ZNF207: variants seen among roughly 807,000 people sequenced by gnomAD.
ZNF207 encodes the protein zinc finger protein 207.
In ZNF207, 24 loss-of-function variants were observed where a neutral mutation model predicts 60.2. That is an observed-to-expected ratio of 0.40 (90% CI 0.29 to 0.56). The LOEUF (loss-of-function observed/expected upper bound fraction) is 0.56. Among genes scored for constraint, ZNF207 ranks in the 20% least tolerant of loss-of-function variants. ZNF207 has a pLI of 0.49. For missense variants in ZNF207, 452 were observed against 636.6 expected, an observed-to-expected ratio of 0.71 and a Z score of 3.12; for synonymous variants, 236 against 194.7, an observed-to-expected ratio of 1.21 and a Z score of -1.77.
At chr17:32,368,984 A>G in intron 10 of ZNF207, 1 of 225,392 alleles carries the variant, frequency 4.4e-6, no homozygotes, top group Non-Finnish European at 8.9e-6. Context: ...CAGCCTGGAC[A>G]ATGAGTGAAA....
At chr17:32,361,543 A>G in intron 6 of ZNF207, 28 bp downstream of exon 6, 1 of 1,592,016 alleles carries the variant, frequency 6.3e-7, no homozygotes, top group Non-Finnish European at 8.6e-7. Context: ...AATGTAATTC[A>G]GGAGGTATAA....
intron 4 of ZNF207, 41 bp from the exon 5 acceptor site, chr17:32,360,851 T>C (rs764588272): frequency 6.2e-7 from 1 of 1,613,116 alleles, no homozygotes. Flanking sequence ...CTCTAACTCT[T>C]TAATATTTGT....
Position 32,379,888 on chromosome 17 carries a change from C to G in ZNF207, c.*10129C>G, listed in dbSNP as rs1252788763. The G allele has an allele frequency of 6.6e-6, 1 of 152,068 alleles. No homozygotes were observed. Among genetic ancestry groups the G allele is most frequent in the African/African-American group, 2.4e-5 (1 of 41,410 alleles). The allele number at this position is 152,068 out of a possible 1,614,324, so 9.4% of individuals were successfully genotyped here. A position where few individuals can be genotyped will look rare whatever the true frequency, so the allele number is the denominator to read the frequency against. On this transcript the variant is annotated 3_prime_UTR_variant, in exon 12 of 12. Transcript: ENST00000394670. ...ATATGTAACACATGGATTATTTTTT[C>G]CCTCTAGTTTTTAACTATATCCTAG... is the stretch of plus-strand genomic sequence containing the variant.
chr17:32,361,553 A>G (rs1428827645), intron 6 of ZNF207, 38 bp downstream of exon 6: 8 of 1,554,926 alleles, frequency 5.1e-6, no homozygotes, highest in Non-Finnish European at 7.0e-6. Flanking sequence ...AGGAGGTATA[A>G]TCATACTGTC....
intron 2 of ZNF207, among the ~76,000 whole-genome samples, chr17:32,357,057 C>T (rs1314386787): frequency 6.6e-6 from 1 of 151,930 alleles, no homozygotes; most frequent in Non-Finnish European, 1.5e-5. Flanking sequence ...CGGCACGCAC[C>T]TGTAGTCCCA....
chr17:32,355,806 T>C (rs527824181), intron 2 of ZNF207, among the ~76,000 whole-genome samples: 1 of 152,326 alleles, frequency 6.6e-6, no homozygotes, highest in African/African-American at 2.4e-5. Context: ...GAGTGAGTTA[T>C]TTAACTGAGT....
At position 32,375,935 on chromosome 17, in the gene ZNF207, T is replaced by C. The variant is rs570369636; in HGVS notation, c.*6176T>C. On this transcript the variant is annotated 3_prime_UTR_variant, in exon 12 of 12. Coordinates refer to ENST00000394670, the MANE Select transcript of ZNF207 (RefSeq NM_001098507.2). Reference sequence around the variant, plus strand: ...CTAACTGTCTCATGACAGTAAAGTTTACTCCTTTTTAGAAACCCTTTCTCA... The same window carrying C: ...CTAACTGTCTCATGACAGTAAAGTTCACTCCTTTTTAGAAACCCTTTCTCA... 1.3e-5 allele frequency: 2 copies of C among 152,238 alleles called. No individual in the cohort carries two copies. The highest frequency in any genetic ancestry group is 2.1e-4 in the South Asian group (1 of 4,832). The allele number at this position is 152,238 out of a possible 1,614,324, so 9.4% of individuals were successfully genotyped here.
chr17:32,365,738 GTTTTTT>G (rs60104494), intron 8 of ZNF207: 1 of 133,924 alleles, frequency 7.5e-6, no homozygotes, highest in Non-Finnish European at 1.6e-5. Flanking sequence ...TTTATTCTTA[GTTTTTT>G]TTTTTTTTTT....
In ZNF207 at chr17:32,377,556, A is replaced by T. The variant is rs1015020549; in HGVS notation, c.*7797A>T. 6.6e-6 allele frequency: 1 copy of T among 152,000 alleles called. No homozygotes were observed. The highest frequency in any genetic ancestry group is 6.6e-5 in the Admixed American group (1 of 15,262). The allele number at this position is 152,000 out of a possible 1,614,324, so 9.4% of individuals were successfully genotyped here. A position where few individuals can be genotyped will look rare whatever the true frequency, so the allele number is the denominator to read the frequency against. On this transcript the variant is annotated 3_prime_UTR_variant, in exon 12 of 12. Coordinates refer to ENST00000394670, the MANE Select transcript of ZNF207 (RefSeq NM_001098507.2). ...ACAAAATCAATTTTTACAAAAGTTG[A>T]ATTAAAAACTTTTAAAAATTGCTTG...
Position 32,369,444 on chromosome 17 carries a change from G to T in ZNF207, c.1314G>T (p.Met438Ile). The T allele has an allele frequency of 6.2e-7, 1 of 1,614,118 alleles. No homozygotes were observed. Residue 438 changes from methionine (M) to isoleucine (I), a missense_variant, in exon 11 of 12, where the codon ATG (methionine) becomes ATT (isoleucine). Physicochemically the swap from Met to Ile is conservative, Grantham distance 10 (BLOSUM62 1). Coordinates refer to ENST00000394670, the MANE Select transcript of ZNF207 (RefSeq NM_001098507.2). ...IPQQQGMRPP[M>I]PPHGQYGGHH... Reference sequence around the variant, plus strand: ...AGCAACAAGGAATGAGACCCCCAATGCCACCTCATGGTATTCCTCTTTTTA... The same window carrying T: ...AGCAACAAGGAATGAGACCCCCAATTCCACCTCATGGTATTCCTCTTTTTA...
chr17:32,358,006 C>A (rs1904651196), intron 2 of ZNF207, among the ~76,000 whole-genome samples: 1 of 152,096 alleles, frequency 6.6e-6, no homozygotes, highest in Admixed American at 6.6e-5. Context: ...GTCTCAAACT[C>A]CTGACCTCAG....
intron 1 of ZNF207, 67 bp from the exon 2 acceptor site, chr17:32,351,719 T>G (rs1476695872): frequency 3.1e-6 from 5 of 1,610,940 alleles, no homozygotes; most frequent in Middle Eastern, 1.7e-4. Flanking sequence ...TGTAATGTTA[T>G]CCATATGTTT....
intron 3 of ZNF207, 44 bp downstream of exon 3, chr17:32,358,685 A>ATT: frequency 7.5e-7 from 1 of 1,337,332 alleles, no homozygotes; most frequent in Non-Finnish European, 9.6e-7. Flanking sequence ...TATTTTTTTT[A>ATT]ATTTTTTTTT....
chr17:32,351,565 GT>G (rs34537023), intron 1 of ZNF207: 3 of 1,532,756 alleles, frequency 2.0e-6, no homozygotes, highest in African/African-American at 1.4e-5. Context: ...ATTGAGATGT[GT>G]TTTTTGGGGT....
Position 32,373,651 on chromosome 17 carries a change from C to T in ZNF207, c.*3892C>T, listed in dbSNP as rs1905558021. 1 of 380,006 alleles carries T rather than the reference C, an allele frequency of 2.6e-6. No individual in the cohort carries two copies. Among genetic ancestry groups the T allele is most frequent in the Non-Finnish European group, 4.6e-6 (1 of 215,856 alleles). 23.5% of individuals were successfully genotyped at this position (380,006 alleles called of 1,614,324 possible). ...GTGGTGTTAATAAACATAAGTATTT[C>T]ATATGCAATTTTATGTAATTTGCTG... On this transcript the variant is annotated 3_prime_UTR_variant, in exon 12 of 12. Transcript: ENST00000394670.
At chr17:32,363,528 A>AATT (rs1192049306) in intron 7 of ZNF207, among the ~76,000 whole-genome samples, 1 of 79,018 alleles carries the variant, frequency 1.3e-5, no homozygotes, top group African/African-American at 4.5e-5. Context: ...AATCCAACAA[A>AATT]CTTTTTTTTT....
intron 7 of ZNF207, 84 bp downstream of exon 7, chr17:32,363,068 T>C: frequency 7.7e-7 from 1 of 1,299,304 alleles, no homozygotes; most frequent in Non-Finnish European, 1.1e-6. Flanking sequence ...ATTAGTATAA[T>C]GAAATTTAAA....
Position 32,369,659 on chromosome 17 carries a change from A to G in ZNF207, c.1385A>G (p.Tyr462Cys), listed in dbSNP as rs1905376776. ...TACCTTCCTGGTGCTATGCCCCCGT[A>G]TGGGCAGGGACCGCCAATGGTGCCC... Reference protein sequence around the residue: ...PGYLPGAMPPYGQGPPMVPPY... With the variant: ...PGYLPGAMPPCGQGPPMVPPY... Residue 462 changes from tyrosine (Y) to cysteine (C), a missense_variant, in exon 12 of 12, where the codon TAT becomes TGT. By Grantham distance (194) the Tyr-to-Cys change is radical. Transcript: ENST00000394670. The G allele has an allele frequency of 3.8e-6, 6 of 1,595,702 alleles. No homozygotes were observed. Among genetic ancestry groups the G allele is most frequent in the South Asian group, 1.1e-5 (1 of 88,218 alleles).
rs142086986 is a variant in ZNF207, at chr17:32,355,594, C to T, written c.169-2909C>T. Among the ~76,000 whole-genome samples, 314 of 152,222 alleles carry T rather than the reference C, an allele frequency of 2.1e-3. 3 individuals are homozygous for T. Among genetic ancestry groups the T allele is most frequent in the Non-Finnish European group, 5.9e-4 (40 of 68,022 alleles). On this transcript the variant is annotated intron_variant, in intron 2 of 11. Transcript: ENST00000394670. Reference sequence around the variant, plus strand: ...TTAAAACAGGAGATAGAAATTTGGACGCATACAATGTAAGGGTGGCTAGTT... The same window carrying T: ...TTAAAACAGGAGATAGAAATTTGGATGCATACAATGTAAGGGTGGCTAGTT...
Sources: allele counts gnomAD v4.1 joint callset (sites outside exome capture counted in the v4.1 genomes callset), GRCh38; gene constraint gnomAD v4.1.1; transcripts MANE v1.5; gene names NCBI Gene and HGNC (gene_info 2026-07-23, HGNC 2026-07-21).